The following THSD4 variants were observed in gnomAD, a reference collection of about 807,000 sequenced individuals.
THSD4 encodes thrombospondin type-1 domain-containing protein 4.
Under a neutral mutation model 119.0 loss-of-function variants are expected in THSD4, and 69 were observed. The ratio of observed to expected loss-of-function variants is 0.58; its 90% CI spans 0.48 to 0.71. The LOEUF is 0.71. THSD4 is among the 30% of genes least tolerant of loss of function. The probability of loss-of-function intolerance (pLI) is 0.00; values close to 1 mark genes in which losing one functional copy is unlikely to be tolerated. For synonymous variants in THSD4, 524 were observed against 540.4 expected (o/e 0.97, Z 0.42); for missense variants, 1,393 against 1,391.1 (o/e 1.00, Z -0.02).
intron 8 of THSD4, among the ~76,000 whole-genome samples, chr15:71,661,482 G>A (rs944330552): frequency 9.9e-5 from 15 of 150,976 alleles, no homozygotes; most frequent in African/African-American, 3.4e-4. Context: ...TGCAGCCTCC[G>A]CCTCCCAGGT....
chr15:71,161,601 T>G lies in THSD4; in HGVS notation c.99+6669T>G, dbSNP rs541776743. ...TTTCTGTTTGCATGGAATATGTTTT[T>G]CTACCTCTTCACTTTCAGTCTGTGT... On this transcript the variant is annotated intron_variant, in intron 3 of 17. Coordinates refer to ENST00000261862, the MANE Select transcript of THSD4 (RefSeq NM_024817.3). Among the ~76,000 whole-genome samples the G allele has an allele frequency of 1.3e-4, 20 of 152,164 alleles. No homozygotes were observed. The South Asian group carries it at 4.1e-3, about 31-fold the overall frequency.
chr15:71,395,924 C>T (rs1009986933), intron 6 of THSD4, among the ~76,000 whole-genome samples: 11 of 149,022 alleles, frequency 7.4e-5, no homozygotes, highest in Non-Finnish European at 1.5e-4. Flanking sequence ...GACACACACA[C>T]ACACACACAC....
chr15:71,620,553 TC>T (rs1165278509), intron 7 of THSD4, among the ~76,000 whole-genome samples: 1 of 152,156 alleles, frequency 6.6e-6, no homozygotes, highest in Non-Finnish European at 1.5e-5. Context: ...CAACTTTTTG[TC>T]TGATGATATG....
intron 7 of THSD4, among the ~76,000 whole-genome samples, chr15:71,459,153 T>C (rs1339410785): frequency 6.8e-6 from 1 of 146,598 alleles, no homozygotes; most frequent in Non-Finnish European, 1.5e-5. Context: ...TTTCATTTTC[T>C]TTTTTTCTTT....
At chr15:71,443,947 G>C (rs1364029967) in intron 7 of THSD4, among the ~76,000 whole-genome samples, 3 of 152,228 alleles carry the variant, frequency 2.0e-5, no homozygotes, top group Non-Finnish European at 4.4e-5. Flanking sequence ...CACTGCTAAA[G>C]CATAGGTGCT....
chr15:71,434,873 A>C (rs2046991086), intron 7 of THSD4, among the ~76,000 whole-genome samples: 1 of 152,180 alleles, frequency 6.6e-6, no homozygotes, highest in Admixed American at 6.5e-5. Context: ...TTTTTAAAAA[A>C]CTAAAAGCAT....
chr15:71,457,159 T>C (rs2047351154), intron 7 of THSD4, among the ~76,000 whole-genome samples: 1 of 152,074 alleles, frequency 6.6e-6, no homozygotes, highest in African/African-American at 2.4e-5. Flanking sequence ...GGCAGGCAGA[T>C]CGCTCTGAGC....
At chr15:71,704,527 C>T (rs747339782) in intron 8 of THSD4, among the ~76,000 whole-genome samples, 8 of 152,206 alleles carry the variant, frequency 5.3e-5, no homozygotes, top group Non-Finnish European at 1.2e-4. Context: ...GGTGACACCT[C>T]CCCAGCCATG....
In THSD4 at chr15:71,547,604, T is replaced by C. The variant is rs564898919; in HGVS notation, c.1153-112926T>C. 73 of 1,163,228 alleles carry C rather than the reference T, an allele frequency of 6.3e-5. 1 individual carries two copies. In the South Asian group the frequency reaches 1.2e-3, roughly 19 times the overall value. The allele number at this position is 1,163,228 out of a possible 1,614,324, so 72.1% of individuals were successfully genotyped here. On this transcript the variant is annotated intron_variant, in intron 7 of 17. Transcript: ENST00000261862. ...GGGGTGCAAAGAGTAATGCTTTATA[T>C]TACTTTTGTAGGCTTCTCTTGCCTT... is the stretch of plus-strand genomic sequence containing the variant.
Position 71,215,230 on chromosome 15 carries a change from G to C in THSD4, c.295G>C (p.Ala99Pro). 7.0e-7 allele frequency: 1 copy of C among 1,423,998 alleles called. No individual in the cohort carries two copies. Among genetic ancestry groups the C allele is most frequent in the Non-Finnish European group, 9.1e-7 (1 of 1,095,544 alleles). 88.2% of individuals were successfully genotyped at this position (1,423,998 alleles called of 1,614,324 possible). A position where few individuals can be genotyped will look rare whatever the true frequency, so the allele number is the denominator to read the frequency against. Residue 99 changes from alanine (A) to proline (P), a missense_variant, in exon 4 of 18, where the codon GCC (alanine) becomes CCC (proline). Coordinates refer to ENST00000261862, the MANE Select transcript of THSD4 (RefSeq NM_024817.3). ...CCAGCGGCCTGGCGCCCCTGCGCGC[G>C]CCTTCGCGGACCACGTGGTGTCGGC... ...GGQRPGAPAR[A>P]FADHVVSAVR...
At chr15:71,550,679 A>G (rs940731238) in intron 7 of THSD4, among the ~76,000 whole-genome samples, 1 of 152,140 alleles carries the variant, frequency 6.6e-6, no homozygotes, top group African/African-American at 2.4e-5. Context: ...TGACCTCGTG[A>G]TCCGCCCACC....
At chr15:71,445,204 G>T (rs1566986170) in intron 7 of THSD4, among the ~76,000 whole-genome samples, 2 of 152,194 alleles carry the variant, frequency 1.3e-5, no homozygotes, top group Non-Finnish European at 2.9e-5. Flanking sequence ...CCCAGAGAGG[G>T]TGGCTTCCTC....
intron 7 of THSD4, among the ~76,000 whole-genome samples, chr15:71,430,308 C>T (rs755822475): frequency 4.6e-5 from 7 of 152,110 alleles, no homozygotes; most frequent in Non-Finnish European, 8.8e-5. Flanking sequence ...CAAAGATACT[C>T]ATAATGAGAC....
chr15:71,480,084 T>C lies in THSD4; in HGVS notation c.1152+68261T>C, dbSNP rs183674491. 4.8e-3 allele frequency among the ~76,000 whole-genome samples: 737 copies of C among 152,312 alleles called. 4 individuals carry two copies. The highest frequency in any genetic ancestry group is 0.017 in the African/African-American group (711 of 41,562). ...TAGGGTCTCGCTCTGTCACCCAGGC[T>C]AGAGTGCAGTGGTGGGATCTCAGCT... On this transcript the variant is annotated intron_variant, in intron 7 of 17. Transcript: ENST00000261862.
intron 6 of THSD4, among the ~76,000 whole-genome samples, chr15:71,381,922 G>T (rs1033532123): frequency 6.6e-6 from 1 of 151,980 alleles, no homozygotes; most frequent in African/African-American, 2.4e-5. Flanking sequence ...TTTTTTAAAA[G>T]GTGAGAGATA....
chr15:71,403,268 C>G (rs12708504), intron 6 of THSD4, among the ~76,000 whole-genome samples: 68,030 of 151,940 alleles, frequency 0.45, 16,943 homozygotes, highest in Middle Eastern at 0.63. Context: ...AGGTAAATTG[C>G]GTGAGAATTG....
At chr15:71,117,596 C>G (rs1228055283) in intron 1 of THSD4, among the ~76,000 whole-genome samples, 1 of 152,236 alleles carries the variant, frequency 6.6e-6, no homozygotes, top group Non-Finnish European at 1.5e-5. Flanking sequence ...TCCATTCCCA[C>G]TGCCCCCACC....
At position 71,199,895 on chromosome 15, in the gene THSD4, GTGTGTGTGGTGCATGTGTGGGGT is replaced by G. The variant is rs1567155094; in HGVS notation, c.100-15139_100-15117del. Among the ~76,000 whole-genome samples the G allele has an allele frequency of 4.6e-3, 653 of 142,010 alleles. 3 individuals carry two copies. Among genetic ancestry groups the G allele is most frequent in the Middle Eastern group, 0.011 (3 of 282 alleles). 93.2% of individuals were successfully genotyped at this position (142,010 alleles called of 152,430 possible). A position where few individuals can be genotyped will look rare whatever the true frequency, so the allele number is the denominator to read the frequency against. On this transcript the variant is annotated intron_variant, in intron 3 of 17. Transcript: ENST00000261862. ...TGTGTGTGTGGTGCATGTGTGGTAT[GTGTGTGTGGTGCATGTGTGGGGT>G]GTGTGTGTGTGTGTGTGTATGGCAG...
At chr15:71,135,407 A>T (rs2040542009) in intron 1 of THSD4, among the ~76,000 whole-genome samples, 2 of 150,532 alleles carry the variant, frequency 1.3e-5, no homozygotes, top group South Asian at 4.2e-4. Context: ...AAAAAAAAAA[A>T]AGAAGAAGCT....
Sources: allele counts gnomAD v4.1 joint callset (sites outside exome capture counted in the v4.1 genomes callset), GRCh38; gene constraint gnomAD v4.1.1; transcripts MANE v1.5; gene names NCBI Gene and HGNC (gene_info 2026-07-23, HGNC 2026-07-21).